The following PISD variants were observed in gnomAD, a reference collection of about 807,000 sequenced individuals.
PISD encodes phosphatidylserine decarboxylase.
A neutral mutation model predicts 43.5 loss-of-function variants in PISD; 31 were observed. That is an observed-to-expected ratio of 0.71 (90% CI 0.54 to 0.96). The LOEUF (loss-of-function observed/expected upper bound fraction) is 0.96, where lower values mean the gene tolerates loss of function less well. PISD is among the 40% of genes least tolerant of loss of function. PISD has a pLI of 0.00. For synonymous variants in PISD, 259 were observed against 228.7 expected, an observed-to-expected ratio of 1.13 and a Z score of -1.20; for missense variants, 523 against 548.4, an observed-to-expected ratio of 0.95 and a Z score of 0.46.
chr22:31,643,472 A>G (rs76352720), intron 3 of PISD, among the ~76,000 whole-genome samples: 1,793 of 152,040 alleles, frequency 0.012, 36 homozygotes, highest in African/African-American at 0.042. Context: ...GAAGTGGCAC[A>G]TACCTACAGT....
chr22:31,661,515 G>T (rs760908), intron 1 of PISD, among the ~76,000 whole-genome samples: 40,387 of 151,804 alleles, frequency 0.27, 6,954 homozygotes, highest in African/African-American at 0.49. Flanking sequence ...ATGGGGGTCC[G>T]GGCTCTGCTA....
At chr22:31,622,604 A>G (rs1393252912) in intron 3 of PISD, among the ~76,000 whole-genome samples, 1 of 152,180 alleles carries the variant, frequency 6.6e-6, no homozygotes, top group Non-Finnish European at 1.5e-5. Context: ...ACTGTGACTG[A>G]GCCAGGCCAT....
At chr22:31,620,810 G>A (rs565499595) in intron 6 of PISD, 97 bp from the exon 7 acceptor site, 45 of 1,491,842 alleles carry the variant, frequency 3.0e-5, no homozygotes, top group Admixed American at 2.5e-4. Context: ...CTGTTGCCCC[G>A]ATGTCACTCC....
At chr22:31,645,739 A>G (rs1259356524) in intron 3 of PISD, among the ~76,000 whole-genome samples, 1 of 148,900 alleles carries the variant, frequency 6.7e-6, no homozygotes, top group African/African-American at 2.4e-5. Context: ...GGTGCCTGTA[A>G]TCCCATCTAC....
chr22:31,632,152 A>C (rs1419654126), intron 3 of PISD: 1 of 709,776 alleles, frequency 1.4e-6, no homozygotes, highest in Non-Finnish European at 1.7e-6. Flanking sequence ...AAGGGTGTAC[A>C]GTCACAGCCC....
intron 3 of PISD, among the ~76,000 whole-genome samples, chr22:31,637,253 C>T (rs1181263704): frequency 7.4e-6 from 1 of 134,950 alleles, no homozygotes; most frequent in African/African-American, 2.8e-5. Flanking sequence ...ATTCCAGCTA[C>T]TCAGCAGGCT....
chr22:31,654,805 G>A (rs1240543162), intron 1 of PISD, among the ~76,000 whole-genome samples: 3 of 152,290 alleles, frequency 2.0e-5, no homozygotes, highest in South Asian at 2.1e-4. Flanking sequence ...GCCAGGCGTG[G>A]TGGCTCACAC....
intron 3 of PISD, chr22:31,623,874 G>A (rs971379727): frequency 1.1e-5 from 18 of 1,603,652 alleles, no homozygotes; most frequent in East Asian, 2.2e-5. Flanking sequence ...TCCATGCACA[G>A]CCAGGTCAGT....
At position 31,619,174 on chromosome 22, in the gene PISD, G is replaced by GGT. The variant is rs1240653412; in HGVS notation, c.*437_*438insAC. ...AGGCATCCACAGTCTGTGCCAAGGA[G>GGT]GCACCTCACCCTGTGCAGCAGGAGC... On this transcript the variant is annotated 3_prime_UTR_variant, in exon 8 of 8. Coordinates refer to ENST00000439502, the MANE Select transcript of PISD (RefSeq NM_001326411.2). 3.5e-6 allele frequency: 1 copy of GGT among 284,884 alleles called. No individual in the cohort carries two copies. The highest frequency in any genetic ancestry group is 4.9e-5 in the Admixed American group (1 of 20,394). The allele number at this position is 284,884 out of a possible 1,614,324, so 17.6% of individuals were successfully genotyped here. A position where few individuals can be genotyped will look rare whatever the true frequency, so the allele number is the denominator to read the frequency against.
chr22:31,657,354 C>G (rs1411118416), intron 1 of PISD, among the ~76,000 whole-genome samples: 2 of 152,050 alleles, frequency 1.3e-5, no homozygotes, highest in Non-Finnish European at 1.5e-5. Context: ...CCAGACTGAT[C>G]TTGAACTCCT....
At position 31,619,430 on chromosome 22, in the gene PISD, C is replaced by A. The variant is rs2072350697; in HGVS notation, c.*182G>T. On this transcript the variant is annotated 3_prime_UTR_variant, in exon 8 of 8. Coordinates refer to ENST00000439502, the MANE Select transcript of PISD (RefSeq NM_001326411.2). ...GGTTGAGGGGCATGATGGGGGCTCT[C>A]GCCACCTCTTGTCTGCACCTCTGGA... is the stretch of plus-strand genomic sequence containing the variant. 1.5e-6 allele frequency: 1 copy of A among 686,416 alleles called. No individual in the cohort carries two copies. The highest frequency in any genetic ancestry group is 2.7e-6 in the Non-Finnish European group (1 of 375,430). 42.5% of individuals were successfully genotyped at this position (686,416 alleles called of 1,614,324 possible).
At chr22:31,650,295 T>C (rs1043822153) in intron 2 of PISD, among the ~76,000 whole-genome samples, 3 of 152,094 alleles carry the variant, frequency 2.0e-5, no homozygotes, top group East Asian at 3.9e-4. Context: ...CTGGGCATCA[T>C]AGCAAAACTT....
Position 31,619,071 on chromosome 22 carries a change from T to G in PISD, c.*541A>C, listed in dbSNP as rs2072326740. 4.3e-6 allele frequency: 1 copy of G among 234,192 alleles called. No individual in the cohort carries two copies. Among genetic ancestry groups the G allele is most frequent in the East Asian group, 1.2e-4 (1 of 8,672 alleles). 14.5% of individuals were successfully genotyped at this position (234,192 alleles called of 1,614,324 possible). A position where few individuals can be genotyped will look rare whatever the true frequency, so the allele number is the denominator to read the frequency against. On this transcript the variant is annotated 3_prime_UTR_variant, in exon 8 of 8. Transcript: ENST00000439502. ...TTCAGCCACAAGCACAAAGACTGCT[T>G]TTTCTAAAGAGCAGGATGAGGTGAA... is the stretch of plus-strand genomic sequence containing the variant.
chr22:31,652,585 T>C (rs1006329199), intron 1 of PISD, among the ~76,000 whole-genome samples: 1 of 151,434 alleles, frequency 6.6e-6, no homozygotes, highest in Non-Finnish European at 1.5e-5. Flanking sequence ...GGTGGGTGGA[T>C]CACTTGAGGT....
intron 1 of PISD, among the ~76,000 whole-genome samples, chr22:31,655,323 T>C (rs2074140747): frequency 6.6e-6 from 1 of 151,938 alleles, no homozygotes; most frequent in Non-Finnish European, 1.5e-5. Flanking sequence ...CCCCTTTTTT[T>C]TTTTTTCCCA....
At chr22:31,624,422 T>G (rs2072761395) in intron 3 of PISD, among the ~76,000 whole-genome samples, 1 of 152,082 alleles carries the variant, frequency 6.6e-6, no homozygotes, top group African/African-American at 2.4e-5. Flanking sequence ...CTTTTCATGG[T>G]TCCAGGCCCC....
chr22:31,624,434 C>G (rs760997289), intron 3 of PISD, among the ~76,000 whole-genome samples: 101 of 152,286 alleles, frequency 6.6e-4, no homozygotes, highest in African/African-American at 2.3e-3. Flanking sequence ...CCAGGCCCCC[C>G]CTTTCCTCAT....
chr22:31,627,198 T>C (rs2072955532), intron 3 of PISD, among the ~76,000 whole-genome samples: 1 of 152,240 alleles, frequency 6.6e-6, no homozygotes, highest in Non-Finnish European at 1.5e-5. Flanking sequence ...CGATCCAGGC[T>C]GGGGCTGGTC....
chr22:31,635,509 GC>G (rs2073401928), intron 3 of PISD, among the ~76,000 whole-genome samples: 1 of 152,094 alleles, frequency 6.6e-6, no homozygotes, highest in Non-Finnish European at 1.5e-5. Flanking sequence ...CACCATGTTG[GC>G]CAGGCTCATC....
Sources: allele counts gnomAD v4.1 joint callset (sites outside exome capture counted in the v4.1 genomes callset), GRCh38; gene constraint gnomAD v4.1.1; transcripts MANE v1.5; gene names NCBI Gene and HGNC (gene_info 2026-07-23, HGNC 2026-07-21).